CADM2: variants seen among roughly 807,000 people sequenced by gnomAD.
CADM2 encodes the protein cell adhesion molecule 2, also known as immunoglobulin superfamily member 4D.
A neutral mutation model predicts 49.8 loss-of-function variants in CADM2; 12 were observed. That is an observed-to-expected ratio of 0.24 (90% CI 0.15 to 0.39). The LOEUF (loss-of-function observed/expected upper bound fraction) is 0.39, where lower values mean the gene tolerates loss of function less well. Among genes scored for constraint, CADM2 ranks in the 10% least tolerant of loss-of-function variants. The probability of loss-of-function intolerance (pLI) is 1.00; values close to 1 mark genes in which losing one functional copy is unlikely to be tolerated. For synonymous variants in CADM2, 214 were observed against 175.4 expected (o/e 1.22, Z -1.74); for missense variants, 378 against 492.3 (o/e 0.77, Z 2.20).
Position 85,863,195 on chromosome 3 carries a change from A to G in CADM2, c.239-20096A>G, listed in dbSNP as rs187198012. Among the ~76,000 whole-genome samples, 4 of 152,274 alleles carry G rather than the reference A, an allele frequency of 2.6e-5. No homozygotes were observed. In the East Asian group the frequency reaches 7.7e-4, roughly 29 times the overall value. On this transcript the variant is annotated intron_variant, in intron 3 of 9. Transcript: ENST00000383699. ...GTGATAGGCATGAATAGGGGAGTAG[A>G]GTGAATTCTGTTTAACTCACATGTG...
intron 1 of CADM2, among the ~76,000 whole-genome samples, chr3:85,577,652 GT>G (rs998516534): frequency 1.3e-5 from 2 of 151,648 alleles, no homozygotes; most frequent in African/African-American, 2.4e-5. Flanking sequence ...TTAATATTTT[GT>G]TTTTTTCCAA....
chr3:85,761,829 C>G (rs1393695622), intron 2 of CADM2, among the ~76,000 whole-genome samples: 4 of 152,094 alleles, frequency 2.6e-5, no homozygotes, highest in African/African-American at 7.2e-5. Flanking sequence ...GAATTCTGCC[C>G]TCAAAGAGCT....
intron 3 of CADM2, among the ~76,000 whole-genome samples, chr3:85,867,489 GC>G (rs1174127589): frequency 6.6e-6 from 1 of 151,942 alleles, no homozygotes; most frequent in Non-Finnish European, 1.5e-5. Flanking sequence ...GAACATTTAT[GC>G]TGTTGCCAGT....
chr3:85,588,422 G>A (rs1242913421), intron 1 of CADM2, among the ~76,000 whole-genome samples: 1 of 152,008 alleles, frequency 6.6e-6, no homozygotes, highest in East Asian at 1.9e-4. Context: ...TGTTGCAAAA[G>A]GGAGGAATGC....
chr3:86,015,109 T>C (rs1388062240), intron 8 of CADM2: 5 of 564,684 alleles, frequency 8.9e-6, no homozygotes, highest in Non-Finnish European at 1.6e-5. Context: ...TCCAAAACCA[T>C]CGAAAATACC....
chr3:85,619,857 G>A (rs1327192933), intron 1 of CADM2, among the ~76,000 whole-genome samples: 1 of 152,112 alleles, frequency 6.6e-6, no homozygotes, highest in Non-Finnish European at 1.5e-5. Flanking sequence ...AACATTGCTT[G>A]TATAAGAGCA....
intron 1 of CADM2, among the ~76,000 whole-genome samples, chr3:85,235,800 C>A (rs1007525795): frequency 1.3e-5 from 2 of 151,938 alleles, no homozygotes; most frequent in African/African-American, 4.8e-5. Context: ...GTAATGCTTT[C>A]TTTATGTTTT....
intron 1 of CADM2, among the ~76,000 whole-genome samples, chr3:85,437,300 AG>A (rs1422480058): frequency 6.6e-6 from 1 of 152,170 alleles, no homozygotes; most frequent in African/African-American, 2.4e-5. Context: ...ATGATGAAAA[AG>A]TTTCTGTAAA....
chr3:85,260,464 A>G (rs2107888281), intron 1 of CADM2, among the ~76,000 whole-genome samples: 1 of 152,276 alleles, frequency 6.6e-6, no homozygotes. Flanking sequence ...ACAGATCCTC[A>G]ACATAACTAA....
At chr3:85,316,073 A>G (rs1007575760) in intron 1 of CADM2, among the ~76,000 whole-genome samples, 1 of 152,140 alleles carries the variant, frequency 6.6e-6, no homozygotes, top group African/African-American at 2.4e-5. Flanking sequence ...TTTTTATAAG[A>G]CTGCAATTTT....
chr3:85,550,529 T>A (rs1001677902), intron 1 of CADM2, among the ~76,000 whole-genome samples: 1 of 152,212 alleles, frequency 6.6e-6, no homozygotes, highest in Non-Finnish European at 1.5e-5. Flanking sequence ...GTGAGTCTGG[T>A]ACACTCTCAA....
chr3:85,629,334 A>T (rs2107516486), intron 1 of CADM2, among the ~76,000 whole-genome samples: 1 of 152,030 alleles, frequency 6.6e-6, no homozygotes. Context: ...AAATAAATAG[A>T]TAGTAAAGTC....
rs368626091 is a variant in CADM2 at position 85,096,232 on chromosome 3, T to A, written c.61+136564T>A. Among the ~76,000 whole-genome samples, 22 of 152,214 alleles carry A rather than the reference T, an allele frequency of 1.4e-4. No individual in the cohort carries two copies. In the East Asian group the frequency reaches 3.1e-3, roughly 21 times the overall value. ...CATATCTAAAAAAGTATTAGTACAG[T>A]GAGTTAAATTTTGTTTTGTTTTTGA... On this transcript the variant is annotated intron_variant, in intron 1 of 9. Transcript: ENST00000383699.
At chr3:85,191,432 A>G (rs2041204816) in intron 1 of CADM2, among the ~76,000 whole-genome samples, 1 of 152,134 alleles carries the variant, frequency 6.6e-6, no homozygotes, top group African/African-American at 2.4e-5. Context: ...TTTTACTAAT[A>G]TTAATATTTA....
intron 2 of CADM2, among the ~76,000 whole-genome samples, chr3:85,769,616 A>T (rs1268796220): frequency 1.0e-5 from 1 of 99,806 alleles, no homozygotes; most frequent in Middle Eastern, 6.3e-3. Flanking sequence ...ACATATATAC[A>T]TATATAGTAT....
At position 85,473,648 on chromosome 3, in the gene CADM2, CCTGT is replaced by C. The variant is rs1309042311; in HGVS notation, c.62-252871_62-252868del. Reference sequence around the variant, plus strand: ...TGGAGGAACTAGAAAAAGTCTTGAGCCTGTCTAACAAATAACAGCAACTTCATTA... The same window carrying C: ...TGGAGGAACTAGAAAAAGTCTTGAGCCTAACAAATAACAGCAACTTCATTA... On this transcript the variant is annotated intron_variant, in intron 1 of 9. Transcript: ENST00000383699. 4.6e-5 allele frequency among the ~76,000 whole-genome samples: 7 copies of C among 152,124 alleles called. No homozygotes were observed. The East Asian group carries it at 1.2e-3, about 25-fold the overall frequency.
At chr3:86,039,346 G>A (rs925606244) in intron 8 of CADM2, among the ~76,000 whole-genome samples, 7 of 152,098 alleles carry the variant, frequency 4.6e-5, no homozygotes, top group African/African-American at 1.4e-4. Context: ...AAAGAAAGAG[G>A]TGACAGATAG....
At chr3:85,190,430 G>A (rs1271692788) in intron 1 of CADM2, among the ~76,000 whole-genome samples, 1 of 151,946 alleles carries the variant, frequency 6.6e-6, no homozygotes, top group Non-Finnish European at 1.5e-5. Flanking sequence ...GAGTTAGTAG[G>A]TACATTCCTT....
chr3:85,391,390 G>A (rs544198475), intron 1 of CADM2, among the ~76,000 whole-genome samples: 2 of 152,100 alleles, frequency 1.3e-5, no homozygotes, highest in Admixed American at 1.3e-4. Flanking sequence ...CAGTGGAAGA[G>A]GTTATAGATG....
Sources: allele counts gnomAD v4.1 joint callset (sites outside exome capture counted in the v4.1 genomes callset), GRCh38; gene constraint gnomAD v4.1.1; transcripts MANE v1.5; gene names NCBI Gene and HGNC (gene_info 2026-07-23, HGNC 2026-07-21).